The following PRR16 variants were observed in gnomAD, a reference collection of about 807,000 sequenced individuals.
PRR16 encodes proline rich 16.
In PRR16, 6 loss-of-function variants were observed where a neutral mutation model predicts 18.2. The ratio of observed to expected loss-of-function variants is 0.33; its 90% confidence interval spans 0.18 to 0.65. The LOEUF is 0.65. Ranked by LOEUF, PRR16 falls within the 30% of genes least tolerant of loss-of-function variation. The pLI, the probability that PRR16 is intolerant of heterozygous loss-of-function variation, is 0.74. For missense variants in PRR16, 412 were observed against 376.6 expected (o/e 1.09, Z -0.78); for synonymous variants, 151 against 147.8 (o/e 1.02, Z -0.16).
intron 1 of PRR16, among the ~76,000 whole-genome samples, chr5:120,672,138 C>T (rs189834513): frequency 1.1e-4 from 16 of 152,164 alleles, no homozygotes; most frequent in Admixed American, 6.6e-5. Flanking sequence ...GTGAAGCACA[C>T]GGACAGGAGC....
chr5:120,549,861 A>C (rs2112697565), intron 1 of PRR16, among the ~76,000 whole-genome samples: 1 of 152,176 alleles, frequency 6.6e-6, no homozygotes, highest in South Asian at 2.1e-4. Flanking sequence ...AAAGTAGTCA[A>C]GTCTCTGACT....
chr5:120,713,154 AAAG>A, the PRR16 span, among the ~76,000 whole-genome samples: 1 of 152,110 alleles, frequency 6.6e-6, no homozygotes, highest in Admixed American at 6.6e-5. Flanking sequence ...TAACCTTAAA[AAAG>A]AAGAAAATAC....
intron 1 of PRR16, among the ~76,000 whole-genome samples, chr5:120,536,506 CT>C (rs1464682201): frequency 3.3e-5 from 5 of 151,866 alleles, no homozygotes; most frequent in Non-Finnish European, 5.9e-5. Flanking sequence ...AAAAATGTCT[CT>C]TTTTTTTAAA....
At chr5:120,615,646 A>T (rs1404279891) in intron 1 of PRR16, among the ~76,000 whole-genome samples, 2 of 152,130 alleles carry the variant, frequency 1.3e-5, no homozygotes, top group African/African-American at 4.8e-5. Flanking sequence ...TGTTTTAACC[A>T]TAAAATTAAT....
intron 1 of PRR16, among the ~76,000 whole-genome samples, chr5:120,483,156 C>A (rs1286022699): frequency 2.0e-5 from 3 of 152,106 alleles, no homozygotes; most frequent in African/African-American, 7.2e-5. Context: ...AGGAATCCAG[C>A]CTCTTGTGAT....
At chr5:120,625,085 T>C (rs1441916743) in intron 1 of PRR16, among the ~76,000 whole-genome samples, 1 of 152,196 alleles carries the variant, frequency 6.6e-6, no homozygotes, top group Non-Finnish European at 1.5e-5. Flanking sequence ...ATCAGCAGTA[T>C]GAAAATGGAC....
intron 1 of PRR16, among the ~76,000 whole-genome samples, chr5:120,677,905 C>CT (rs386404833): frequency 0.27 from 24,990 of 92,806 alleles, 4,632 homozygotes; most frequent in Middle Eastern, 0.41. Flanking sequence ...CTTTTTCTTT[C>CT]TTTTTTTTTT....
chr5:120,567,509 C>T (rs907611717), intron 1 of PRR16, among the ~76,000 whole-genome samples: 1 of 152,148 alleles, frequency 6.6e-6, no homozygotes, highest in Non-Finnish European at 1.5e-5. Flanking sequence ...CTGTGCAGCA[C>T]ATTGATATGG....
chr5:120,779,024 T>C, the PRR16 span, among the ~76,000 whole-genome samples: 1 of 152,162 alleles, frequency 6.6e-6, no homozygotes, highest in Non-Finnish European at 1.5e-5. Flanking sequence ...TTGAAGGTAC[T>C]CTCATTCCAC....
At chr5:120,763,974 G>A in the PRR16 span, among the ~76,000 whole-genome samples, 4 of 152,146 alleles carry the variant, frequency 2.6e-5, no homozygotes, top group Admixed American at 1.3e-4. Context: ...CTGTAGGATC[G>A]TCTAAATGTA....
chr5:120,475,607 T>C (rs1271615494), intron 1 of PRR16, among the ~76,000 whole-genome samples: 5 of 152,124 alleles, frequency 3.3e-5, no homozygotes, highest in African/African-American at 1.2e-4. Context: ...TGCTGTGGTA[T>C]GTGCCTATAG....
chr5:120,615,771 G>A (rs1427642636), intron 1 of PRR16, among the ~76,000 whole-genome samples: 1 of 152,016 alleles, frequency 6.6e-6, no homozygotes, highest in Non-Finnish European at 1.5e-5. Flanking sequence ...AGTGTTTTCT[G>A]TCATCCATGT....
intron 1 of PRR16, among the ~76,000 whole-genome samples, chr5:120,610,141 C>G (rs765147534): frequency 6.6e-6 from 1 of 152,100 alleles, no homozygotes; most frequent in African/African-American, 2.4e-5. Flanking sequence ...CATTGCTCTT[C>G]ATCTGTTTGC....
chr5:120,767,952 C>T, the PRR16 span, among the ~76,000 whole-genome samples: 1 of 151,682 alleles, frequency 6.6e-6, no homozygotes, highest in African/African-American at 2.4e-5. Flanking sequence ...TAAAAGTCAC[C>T]ACTTAAAAGG....
intron 1 of PRR16, among the ~76,000 whole-genome samples, chr5:120,543,458 C>A (rs1328016719): frequency 1.3e-5 from 2 of 152,054 alleles, no homozygotes; most frequent in African/African-American, 4.8e-5. Flanking sequence ...TCACTTATTT[C>A]TAGATATTGC....
the PRR16 span, among the ~76,000 whole-genome samples, chr5:120,786,123 C>A: frequency 6.8e-6 from 1 of 147,186 alleles, no homozygotes. Flanking sequence ...TAAATGCATA[C>A]CTGTTATGTT....
intron 1 of PRR16, among the ~76,000 whole-genome samples, chr5:120,681,995 T>C (rs996447634): frequency 7.2e-5 from 11 of 152,232 alleles, no homozygotes; most frequent in Admixed American, 5.2e-4. Flanking sequence ...TACTAATTCA[T>C]TGTCTGTTTG....
chr5:120,753,356 T>G, the PRR16 span, among the ~76,000 whole-genome samples: 1 of 152,048 alleles, frequency 6.6e-6, no homozygotes, highest in African/African-American at 2.4e-5. Context: ...CTGCAAATAA[T>G]AAGTTACCAT....
chr5:120,490,248 T>G (rs1749978239), intron 1 of PRR16, among the ~76,000 whole-genome samples: 1 of 152,232 alleles, frequency 6.6e-6, no homozygotes, highest in African/African-American at 2.4e-5. Context: ...GCAGAGTGTT[T>G]TCCATCTTGG....
Sources: allele counts gnomAD v4.1 joint callset (sites outside exome capture counted in the v4.1 genomes callset), GRCh38; gene constraint gnomAD v4.1.1; transcripts MANE v1.5; gene names NCBI Gene and HGNC (gene_info 2026-07-23, HGNC 2026-07-21).